The following PLEC variants were observed in gnomAD, a reference collection of about 807,000 sequenced individuals.
PLEC encodes the protein plectin.
PLEC carries 216 observed loss-of-function variants against 392.8 expected under a neutral mutation model. The ratio of observed to expected loss-of-function variants is 0.55; its 90% CI spans 0.49 to 0.62. PLEC has a LOEUF of 0.62. PLEC is among the 20% of genes least tolerant of loss of function. The pLI, the probability that PLEC is intolerant of heterozygous loss-of-function variation, is 0.00. For missense variants in PLEC, 6,863 were observed against 6,563.4 expected (o/e 1.05, Z -1.58); for synonymous variants, 3,621 against 2,980.6 (o/e 1.21, Z -7.00).
chr8:143,953,853 G>GCCGGGGGAGGAGCCCGGAGGT (rs1554738321), upstream of PLEC: 8 of 1,581,148 alleles, frequency 5.1e-6, no homozygotes, highest in African/African-American at 1.4e-5. Flanking sequence ...CAGCGCCGCA[G>GCCGGGGGAGGAGCCCGGAGGT]CCGGGGGAGG....
At chr8:143,926,558 C>A (rs1014917291) in intron 30 of PLEC, among the ~76,000 whole-genome samples, 7 of 152,202 alleles carry the variant, frequency 4.6e-5, no homozygotes, top group Admixed American at 4.6e-4. Flanking sequence ...AGAGGCGGCA[C>A]CAGCCACTGT....
chr8:143,933,365 G>C lies in PLEC; in HGVS notation c.1264-14C>G. The C allele has an allele frequency of 6.2e-7, 1 of 1,608,418 alleles. No homozygotes were observed. Among genetic ancestry groups the C allele is most frequent in the South Asian group, 1.1e-5 (1 of 91,090 alleles). On this transcript the variant is annotated splice_polypyrimidine_tract_variant and intron_variant, in intron 12 of 31. Transcript: ENST00000345136. ...CAGCCGGACATCCTGCAAGGTCGTT[G>C]CCATGACTCGGAGCACAGCTGATCC...
At position 143,918,361 on chromosome 8, in the gene PLEC, C is replaced by T. The variant is rs1481643248; in HGVS notation, c.11460G>A (p.Leu3820=). The T allele has an allele frequency of 1.3e-6, 2 of 1,574,382 alleles. No individual in the cohort carries two copies. Among genetic ancestry groups the T allele is most frequent in the African/African-American group, 1.3e-5 (1 of 74,534 alleles). ...VDPRLGFHLP[L]EVAYQRGYLN... is the part of the protein sequence containing the mutation. The stretch of plus-strand genomic sequence containing the variant: ...GGTAGCCACGCTGGTAAGCCACCTC[C>T]AGGGGAAGGTGGAAGCCCAGGCGGG... The change falls in exon 32 of 32, where the codon CTG becomes CTA. Residue 3820 remains leucine (L), a synonymous_variant. Coordinates refer to ENST00000345136, the MANE Select transcript of PLEC (RefSeq NM_201384.3).
At chr8:143,967,432 C>A (rs1833166774) in intron 1 of PLEC, among the ~76,000 whole-genome samples, 1 of 150,660 alleles carries the variant, frequency 6.6e-6, no homozygotes, top group African/African-American at 2.4e-5. Flanking sequence ...TGGTGTGAGA[C>A]CCATCCATGG....
Position 143,921,406 on chromosome 8 carries a change from C to G in PLEC, c.8415G>C (p.Leu2805=). The G allele has an allele frequency of 6.2e-7, 1 of 1,613,340 alleles. No individual in the cohort carries two copies. Among genetic ancestry groups the G allele is most frequent in the African/African-American group, 1.3e-5 (1 of 75,070 alleles). The part of the protein sequence containing the change: ...GLIVREHGIR[L]LEAQIATGGV... ...CGCCCGTGGCGATCTGGGCCTCCAG[C>G]AGGCGGATGCCGTGCTCCCGGACGA... Residue 2805 remains leucine (L), a synonymous_variant, in exon 32 of 32, where the codon CTG becomes CTC. Coordinates refer to ENST00000345136, the MANE Select transcript of PLEC (RefSeq NM_201384.3).
intron 19 of PLEC, among the ~76,000 whole-genome samples, chr8:143,930,915 C>T (rs564636486): frequency 3.9e-5 from 6 of 152,162 alleles, no homozygotes; most frequent in South Asian, 2.1e-4. Flanking sequence ...TGGGAGCTGC[C>T]GGCTCTCCCC....
chr8:143,926,589 C>A (rs1554705572), intron 30 of PLEC, among the ~76,000 whole-genome samples, 195 bp downstream of exon 30: 1 of 152,154 alleles, frequency 6.6e-6, no homozygotes, highest in African/African-American at 2.4e-5. Context: ...TGTAGCCACA[C>A]CAGGCCAGGG....
At chr8:143,975,206 G>A, upstream of PLEC, 1 of 1,602,768 alleles carries the variant, frequency 6.2e-7, no homozygotes, top group Non-Finnish European at 8.5e-7. This position sits in a 1 kb window ranked among gnomAD's most constrained non-coding sequence, Gnocchi z 9.9. Context: ...CCGCTCAGCT[G>A]GGTCCAGGAC....
Position 143,925,436 on chromosome 8 carries a change from C to G in PLEC, c.4493G>C (p.Arg1498Pro), listed in dbSNP as rs370321792. Residue 1498 changes from arginine to proline, a missense_variant, in exon 31 of 32, where the codon CGC becomes CCC. Arg to Pro is a moderately radical substitution (Grantham distance 103). Transcript: ENST00000345136. Reference sequence around the variant, plus strand: ...CTCGTCCTGCACCTGCCTCCGCAAGCGCTCGGCCTCCTCCTGCGCCTGTCG... The same window carrying G: ...CTCGTCCTGCACCTGCCTCCGCAAGGGCTCGGCCTCCTCCTGCGCCTGTCG... ...QKRQAQEEAE[R>P]LRRQVQDESQ... The G allele has an allele frequency of 6.3e-7, 1 of 1,595,226 alleles. No individual in the cohort carries two copies. Among genetic ancestry groups the G allele is most frequent in the East Asian group, 2.2e-5 (1 of 44,796 alleles).
rs1821398593 is a variant in PLEC at position 143,918,602 on chromosome 8, TCCC to T, written c.11216_11218del (p.Gly3739del). Reference sequence around the variant, plus strand: ...CACAGCCTCATCCACAGTCAGCCGCTCCCCCTTCACCGGGTCCAGCAGGAAGCC... The same window carrying T: ...CACAGCCTCATCCACAGTCAGCCGCTCCTTCACCGGGTCCAGCAGGAAGCC... On this transcript the variant is annotated inframe_deletion, in exon 32 of 32. Transcript: ENST00000345136. 1.2e-6 allele frequency: 2 copies of T among 1,612,270 alleles called. No individual in the cohort carries two copies. Among genetic ancestry groups the T allele is most frequent in the Non-Finnish European group, 1.7e-6 (2 of 1,179,918 alleles).
In PLEC at chr8:143,925,661, T is replaced by C. The variant is rs1824851677; in HGVS notation, c.4268A>G (p.Gln1423Arg). 1.3e-6 allele frequency: 2 copies of C among 1,588,622 alleles called. No individual in the cohort carries two copies. Among genetic ancestry groups the C allele is most frequent in the African/African-American group, 1.3e-5 (1 of 74,756 alleles). The change falls in exon 31 of 32, where the codon CAG becomes CGG. Residue 1423 changes from glutamine to arginine, a missense_variant. Transcript: ENST00000345136. ...CGCCTCCGAGCTCTGCCGCAGCTGC[T>C]GCAGCTCCTCCTGAATGCTGCGCTT... ...QQKRSIQEEL[Q>R]QLRQSSEAEI...
chr8:143,923,121 C>T lies in PLEC; in HGVS notation c.6808G>A (p.Ala2270Thr), dbSNP rs782475239. The T allele has an allele frequency of 5.6e-6, 9 of 1,604,788 alleles. No homozygotes were observed. The highest frequency in any genetic ancestry group is 7.6e-6 in the Non-Finnish European group (9 of 1,179,882). The change falls in exon 31 of 32, where the codon GCT (alanine) becomes ACT (threonine). Residue 2270 changes from alanine (A) to threonine (T), a missense_variant. Coordinates refer to ENST00000345136, the MANE Select transcript of PLEC (RefSeq NM_201384.3). ...TCCGCCACCTGCTTCATCTTCTCAG[C>T]CTCCTCCTGCAGGAAGCGCTGCGTA... ...DNTQRFLQEE[A>T]EKMKQVAEEA... is the part of the protein sequence containing the mutation.
In PLEC at chr8:143,935,193, C is replaced by T. The variant is rs369126676; in HGVS notation, c.718+5G>A. On this transcript the variant is annotated splice_donor_5th_base_variant and intron_variant, in intron 7 of 31. Coordinates refer to ENST00000345136, the MANE Select transcript of PLEC (RefSeq NM_201384.3). ...GGGACAGGGAGGAAGGCCACGCAGA[C>T]GTACCCTCAGGGTCCAGGAGCCGCG... 52 of 1,612,070 alleles carry T rather than the reference C, an allele frequency of 3.2e-5. No individual in the cohort carries two copies. The highest frequency in any genetic ancestry group is 3.9e-5 in the Non-Finnish European group (46 of 1,179,404).
In PLEC at chr8:143,932,445, C is replaced by G; in HGVS notation, c.1932G>C (p.Trp644Cys). 1 of 1,612,874 alleles carries G rather than the reference C, an allele frequency of 6.2e-7. No homozygotes were observed. The highest frequency in any genetic ancestry group is 8.5e-7 in the Non-Finnish European group (1 of 1,179,990). The change falls in exon 16 of 32, where the codon TGG becomes TGC. Residue 644 changes from tryptophan to cysteine, a missense_variant. Physicochemically the swap from Trp to Cys is radical, Grantham distance 215. Transcript: ENST00000345136. ...EKEEEEVGFD[W>C]SDRNTNMTAK... ...CGGTCATGTTGGTGTTGCGGTCGCT[C>G]CAGTCGAAGCCCACCTCCTCCTCCT... is the stretch of plus-strand genomic sequence containing the variant.
intron 19 of PLEC, among the ~76,000 whole-genome samples, chr8:143,930,810 C>T (rs782141333): frequency 4.6e-5 from 7 of 152,192 alleles, no homozygotes; most frequent in Non-Finnish European, 2.9e-5. Flanking sequence ...CCTACAATGC[C>T]CTCGCCCCTT....
chr8:143,927,366 G>T, intron 27 of PLEC, 31 bp from the exon 28 acceptor site: 5 of 1,610,252 alleles, frequency 3.1e-6, no homozygotes, highest in Non-Finnish European at 4.2e-6. Context: ...AGCCGTGGCC[G>T]CAGGGCACGC....
In PLEC at chr8:143,927,314, G is replaced by C. The variant is rs151022876; in HGVS notation, c.3778C>G (p.Arg1260Gly). Residue 1260 changes from arginine (R) to glycine (G), a missense_variant, in exon 28 of 32, where the codon CGC becomes GGC. By Grantham distance (125) the Arg-to-Gly change is moderately radical. Coordinates refer to ENST00000345136, the MANE Select transcript of PLEC (RefSeq NM_201384.3). ...QEQALLEEIE[R>G]HGEKVEECQR... ...CACTCCTCGACCTTCTCGCCGTGGC[G>C]CTCGATCTCCTCCAGCAGGGCCTGG... The C allele has an allele frequency of 4.2e-4, 681 of 1,613,124 alleles. 4 individuals carry two copies. The African/African-American group carries it at 8.0e-3, about 19-fold the overall frequency.
rs372289575 is a variant in PLEC at position 143,950,697 on chromosome 8, C to T, written c.10G>A (p.Gly4Ser). Reference sequence around the variant, plus strand: ...AGCTGGTCCCGTGGCATGAGCATGCCGGCCACCATGGCTGCTGGAGCCGGG... The same window carrying T: ...AGCTGGTCCCGTGGCATGAGCATGCTGGCCACCATGGCTGCTGGAGCCGGG... Residue 4 changes from glycine to serine, a missense_variant, in exon 1 of 32, where the codon GGC (glycine) becomes AGC (serine). Physicochemically the swap from Gly to Ser is moderately conservative, Grantham distance 56. Coordinates refer to the PLEC transcript ENST00000322810. 1.3e-5 allele frequency: 20 copies of T among 1,564,474 alleles called. 1 individual carries two copies. The highest frequency in any genetic ancestry group is 8.1e-5 in the South Asian group (7 of 86,042).
intron 1 of PLEC, among the ~76,000 whole-genome samples, chr8:143,960,726 T>C (rs192925486): frequency 3.3e-5 from 5 of 152,110 alleles, no homozygotes; most frequent in African/African-American, 1.2e-4. Context: ...ACACTGAGAG[T>C]AGACAGAGAA....
Sources: allele counts gnomAD v4.1 joint callset (sites outside exome capture counted in the v4.1 genomes callset), GRCh38; gene constraint gnomAD v4.1.1; non-coding constraint Gnocchi (gnomAD v3.1); transcripts MANE v1.5; gene names NCBI Gene and HGNC (gene_info 2026-07-23, HGNC 2026-07-21).